RRM1: variants seen among roughly 807,000 people sequenced by gnomAD.
RRM1 encodes the protein ribonucleotide reductase catalytic subunit M1.
A neutral mutation model predicts 101.5 loss-of-function variants in RRM1; 19 were observed. The ratio of observed to expected loss-of-function variants is 0.19; its 90% CI spans 0.13 to 0.27. The LOEUF is 0.27. Among genes scored for constraint, RRM1 ranks in the 10% least tolerant of loss-of-function variants. The pLI is 1.00. For missense variants in RRM1, 500 were observed against 962.9 expected (o/e 0.52, Z 6.36); for synonymous variants, 298 against 323.4 (o/e 0.92, Z 0.84).
chr11:4,122,399 T>C (rs2094583076), intron 11 of RRM1, among the ~76,000 whole-genome samples, 179 bp downstream of exon 11: 1 of 152,210 alleles, frequency 6.6e-6, no homozygotes, highest in African/African-American at 2.4e-5. Flanking sequence ...TGTGTCTTCT[T>C]CTTTCTTAAA....
chr11:4,119,262 C>G (rs1483844692), intron 8 of RRM1: 1 of 156,148 alleles, frequency 6.4e-6, no homozygotes, highest in Non-Finnish European at 1.4e-5. Context: ...TGAGCTATTG[C>G]TCACTTATCT....
intron 1 of RRM1, among the ~76,000 whole-genome samples, chr11:4,099,165 C>T (rs962843089): frequency 6.6e-5 from 10 of 151,984 alleles, no homozygotes; most frequent in South Asian, 6.2e-4. Context: ...TTTTTTGAGA[C>T]GGAGTCTTGC....
intron 3 of RRM1, 92 bp downstream of exon 3, chr11:4,106,315 A>G: frequency 9.0e-7 from 1 of 1,109,960 alleles, no homozygotes; most frequent in Non-Finnish European, 1.3e-6. Flanking sequence ...AGAAGCAAAT[A>G]TGGCTAGATG....
At chr11:4,131,929 A>T (rs1444360863) in intron 15 of RRM1, among the ~76,000 whole-genome samples, 1 of 152,216 alleles carries the variant, frequency 6.6e-6, no homozygotes, top group South Asian at 2.1e-4. Flanking sequence ...GAGCGCTTCA[A>T]CAGTGATTTG....
intron 10 of RRM1, 44 bp downstream of exon 10, chr11:4,121,809 G>A: frequency 6.5e-7 from 1 of 1,530,656 alleles, no homozygotes; most frequent in Non-Finnish European, 8.8e-7. Context: ...TGATTCACAT[G>A]AGCTTTCTCT....
At chr11:4,115,293 T>G (rs2094571260) in intron 7 of RRM1, among the ~76,000 whole-genome samples, 1 of 152,150 alleles carries the variant, frequency 6.6e-6, no homozygotes, top group South Asian at 2.1e-4. Flanking sequence ...ATGGAGAGAT[T>G]ATCTTGAATT....
rs577210391 is a variant in RRM1, at chr11:4,095,064, G to T, written c.19+33G>T. On this transcript the variant is annotated intron_variant, in intron 1 of 18. Transcript: ENST00000300738. ...GGGGACGAGGTGGGCGAGAAGGAAG[G>T]TGAGGGGATGCGGGCTGCCGCCGCC... 2.5e-5 allele frequency: 39 copies of T among 1,560,278 alleles called. No homozygotes were observed. The East Asian group carries it at 8.9e-4, about 35-fold the overall frequency.
At chr11:4,134,802 T>C (rs1374924422) in intron 17 of RRM1, among the ~76,000 whole-genome samples, 1 of 152,160 alleles carries the variant, frequency 6.6e-6, no homozygotes, top group African/African-American at 2.4e-5. Flanking sequence ...GTTTGGGTCA[T>C]AAATCAATTA....
At chr11:4,114,794 C>A (rs2094570462) in intron 7 of RRM1, among the ~76,000 whole-genome samples, 1 of 152,114 alleles carries the variant, frequency 6.6e-6, no homozygotes, top group South Asian at 2.1e-4. Context: ...CTTACTGCAG[C>A]CTGCACCTCC....
intron 15 of RRM1, among the ~76,000 whole-genome samples, chr11:4,131,216 C>T (rs575295000): frequency 3.5e-4 from 53 of 152,258 alleles, no homozygotes; most frequent in African/African-American, 1.3e-3. Flanking sequence ...GGGAGAAAAG[C>T]CCCTTATAAA....
chr11:4,099,048 C>T (rs547431270), intron 1 of RRM1, among the ~76,000 whole-genome samples: 3 of 152,248 alleles, frequency 2.0e-5, no homozygotes, highest in African/African-American at 7.2e-5. Context: ...CATCCTTGGT[C>T]TTACAGGATT....
chr11:4,136,409 GGGGTT>G (rs1169973142), intron 18 of RRM1, among the ~76,000 whole-genome samples: 1 of 151,924 alleles, frequency 6.6e-6, no homozygotes, highest in Non-Finnish European at 1.5e-5. Context: ...TATTAGAGAT[GGGGTT>G]TTGCCATGTT....
At chr11:4,130,828 G>A (rs1206683894) in intron 15 of RRM1, among the ~76,000 whole-genome samples, 2 of 152,134 alleles carry the variant, frequency 1.3e-5, no homozygotes, top group Non-Finnish European at 2.9e-5. Flanking sequence ...TATCATATAT[G>A]TAGGACTTTT....
chr11:4,107,904 G>A (rs1301187097), intron 4 of RRM1, among the ~76,000 whole-genome samples: 3 of 152,008 alleles, frequency 2.0e-5, no homozygotes, highest in African/African-American at 7.2e-5. Flanking sequence ...CCATTTTGTA[G>A]ATATATTGTC....
chr11:4,100,818 A>G (rs570204572), intron 1 of RRM1, among the ~76,000 whole-genome samples: 11 of 152,236 alleles, frequency 7.2e-5, no homozygotes, highest in African/African-American at 2.4e-4. Context: ...ATAATAATTA[A>G]CCCCTTTCTA....
chr11:4,135,035 GCTTT>G (rs1565191286), intron 17 of RRM1, 43 bp from the exon 18 acceptor site: 1 of 1,419,906 alleles, frequency 7.0e-7, no homozygotes, highest in Admixed American at 1.9e-5. Context: ...ATCATACACT[GCTTT>G]CTTTAACTGG....
intron 2 of RRM1, among the ~76,000 whole-genome samples, chr11:4,105,102 TTTTTAATGACACTTTCA>T (rs1474248430): frequency 6.6e-6 from 1 of 152,248 alleles, no homozygotes; most frequent in Non-Finnish European, 1.5e-5. Context: ...ACTTAGATTT[TTTTTAATGACACTTTCA>T]TTTTATATGT....
At chr11:4,113,115 AT>A (rs1408990285) in intron 7 of RRM1, among the ~76,000 whole-genome samples, 3 of 102,520 alleles carry the variant, frequency 2.9e-5, no homozygotes, top group Non-Finnish European at 7.0e-5. Flanking sequence ...CTGGTAATAC[AT>A]TAAAAAAAAA....
In RRM1 at chr11:4,127,239, T is replaced by C; in HGVS notation, c.1675T>C (p.Ser559Pro). 1 of 1,593,004 alleles carries C rather than the reference T, an allele frequency of 6.3e-7. No homozygotes were observed. The part of the protein sequence containing the change: ...EQGPYETYEG[S>P]PVSKGILQYD... ...GGGCCCATACGAAACCTATGAGGGC[T>C]CTCCAGTTAGCAAAGGAGTAAGTAT... is the stretch of plus-strand genomic sequence containing the variant. The change falls in exon 14 of 19, where the codon TCT (serine) becomes CCT (proline). Residue 559 changes from serine to proline, a missense_variant. Around this residue, in one of 9 missense-constraint regions of RRM1, gnomAD observed 106 missense variants for 138.1 expected, o/e 0.77. Transcript: ENST00000300738.
Sources: gnomAD v4.1 joint callset for allele counts (sites outside exome capture counted in the v4.1 genomes callset) on GRCh38, gnomAD v4.1.1 for gene constraint, gnomAD v4.1.1 regional missense constraint, MANE v1.5 for transcripts, NCBI Gene and HGNC (gene_info 2026-07-23, HGNC 2026-07-21) for gene names.